The following RBFOX1 variants were observed in gnomAD, a reference collection of about 807,000 sequenced individuals.
RBFOX1 encodes the protein RNA binding protein fox-1 homolog 1.
A neutral mutation model predicts 57.7 loss-of-function variants in RBFOX1; 8 were observed. That is an observed-to-expected ratio of 0.14 (90% CI 0.08 to 0.25). RBFOX1 has a LOEUF of 0.25. Ranked by LOEUF, RBFOX1 falls within the 10% of genes least tolerant of loss-of-function variation. RBFOX1 has a pLI of 1.00. For missense variants in RBFOX1, 611 were observed against 548.5 expected (o/e 1.11, Z -1.14); for synonymous variants, 326 against 222.4 (o/e 1.47, Z -4.15).
At chr16:5,679,099 T>C (rs1365763469) in intron 3 of RBFOX1, among the ~76,000 whole-genome samples, 3 of 152,196 alleles carry the variant, frequency 2.0e-5, no homozygotes, top group Admixed American at 6.5e-5. Context: ...TTATGCCTTG[T>C]TGCAATACAT....
At chr16:5,341,651 C>G (rs1486224050) in intron 1 of RBFOX1, among the ~76,000 whole-genome samples, 4 of 152,114 alleles carry the variant, frequency 2.6e-5, no homozygotes, top group African/African-American at 9.7e-5. Flanking sequence ...TCTGCTTTTG[C>G]CATCTTGAAA....
At chr16:6,028,336 G>A (rs930841271) in intron 1 of RBFOX1, among the ~76,000 whole-genome samples, 1 of 152,014 alleles carries the variant, frequency 6.6e-6, no homozygotes, top group Non-Finnish European at 1.5e-5. Flanking sequence ...AAGTGCAGTA[G>A]TTTCCTTGAG....
intron 2 of RBFOX1, among the ~76,000 whole-genome samples, chr16:6,518,565 C>T (rs1356648106): frequency 1.3e-5 from 2 of 152,166 alleles, no homozygotes; most frequent in Non-Finnish European, 2.9e-5. Flanking sequence ...ACCTCCTGTG[C>T]TGGGAAAACA....
At chr16:5,500,286 A>C (rs1597316862) in intron 2 of RBFOX1, among the ~76,000 whole-genome samples, 1 of 150,174 alleles carries the variant, frequency 6.7e-6, no homozygotes, top group South Asian at 2.1e-4. Flanking sequence ...GCAGTGGCAC[A>C]ATAATGGCTC....
chr16:5,568,148 A>C (rs1002341540), intron 2 of RBFOX1, among the ~76,000 whole-genome samples: 1 of 152,206 alleles, frequency 6.6e-6, no homozygotes. Flanking sequence ...TCAGCATTGC[A>C]TTCAAATGTC....
chr16:5,743,950 T>G (rs1013221868), intron 3 of RBFOX1, among the ~76,000 whole-genome samples: 3 of 152,234 alleles, frequency 2.0e-5, no homozygotes, highest in African/African-American at 2.4e-5. Context: ...CTTTCTATGC[T>G]GACAGCATCT....
chr16:5,636,873 C>A (rs2048700247), intron 3 of RBFOX1, among the ~76,000 whole-genome samples: 1 of 152,176 alleles, frequency 6.6e-6, no homozygotes, highest in South Asian at 2.1e-4. Context: ...ACAAATTAAT[C>A]ATTTTTGCAA....
intron 4 of RBFOX1, among the ~76,000 whole-genome samples, chr16:7,084,888 A>C (rs560038096): frequency 6.6e-6 from 1 of 151,868 alleles, no homozygotes; most frequent in East Asian, 1.9e-4. Context: ...TCTATCTTCT[A>C]TCCGTTTGTC....
chr16:6,900,719 T>A (rs541491316), intron 3 of RBFOX1, among the ~76,000 whole-genome samples: 2 of 152,328 alleles, frequency 1.3e-5, no homozygotes, highest in Admixed American at 1.3e-4. Context: ...TTCTCCATGA[T>A]GCCGTTCCTA....
intron 2 of RBFOX1, among the ~76,000 whole-genome samples, chr16:6,328,753 G>T (rs948778149): frequency 6.6e-6 from 1 of 152,126 alleles, no homozygotes; most frequent in African/African-American, 2.4e-5. Context: ...TTGGGAGGAG[G>T]GGATGCCTGT....
chr16:7,122,584 G>T (rs1199709772), intron 4 of RBFOX1, among the ~76,000 whole-genome samples: 1 of 152,154 alleles, frequency 6.6e-6, no homozygotes, highest in Non-Finnish European at 1.5e-5. Flanking sequence ...TGCTGTGGAG[G>T]ATTCAGAGAA....
At chr16:5,896,413 C>T (rs2058164524) in intron 4 of RBFOX1, among the ~76,000 whole-genome samples, 1 of 151,974 alleles carries the variant, frequency 6.6e-6, no homozygotes, top group Admixed American at 6.6e-5. Flanking sequence ...GAACTGATTG[C>T]TAAAAAAACC....
intron 3 of RBFOX1, chr16:6,873,762 T>A (rs12149374): frequency 1.3e-5 from 2 of 152,016 alleles, no homozygotes; most frequent in Non-Finnish European, 2.9e-5. Context: ...ACAAGTGTTA[T>A]CTTGCTTAAT....
At chr16:5,513,115 A>G (rs1486789692) in intron 2 of RBFOX1, among the ~76,000 whole-genome samples, 2 of 152,130 alleles carry the variant, frequency 1.3e-5, no homozygotes, top group African/African-American at 2.4e-5. Flanking sequence ...GGATGTTACT[A>G]TGCTGTCCAG....
At chr16:7,607,497 C>G (rs929414481) in intron 10 of RBFOX1, among the ~76,000 whole-genome samples, 159 bp downstream of exon 10, 1 of 152,122 alleles carries the variant, frequency 6.6e-6, no homozygotes, top group African/African-American at 2.4e-5. Context: ...GTGCTTAAAA[C>G]AGTTTAAAAA....
At chr16:7,658,984 C>G (rs1454552418) in intron 12 of RBFOX1, among the ~76,000 whole-genome samples, 1 of 152,216 alleles carries the variant, frequency 6.6e-6, no homozygotes, top group African/African-American at 2.4e-5. Flanking sequence ...CTCAGCCTCC[C>G]AAAGTGCTGG....
At chr16:7,195,486 A>G (rs2086472891) in intron 4 of RBFOX1, among the ~76,000 whole-genome samples, 1 of 152,210 alleles carries the variant, frequency 6.6e-6, no homozygotes, top group South Asian at 2.1e-4. Context: ...CTGACCCAAC[A>G]GCACAGATTT....
rs192620318 is a variant in RBFOX1 at position 5,992,956 on chromosome 16, T to C, written c.351+125621T>C. Among the ~76,000 whole-genome samples the C allele has an allele frequency of 1.0e-3, 152 of 152,060 alleles. 2 individuals are homozygous for C. The highest frequency in any genetic ancestry group is 6.8e-3 in the Middle Eastern group (2 of 292). Reference sequence around the variant, plus strand: ...TGTCTCAAAAGAAAGAAAAAAAAGATTTGCATGACAGTGGCAGACATCTGC... The same window carrying C: ...TGTCTCAAAAGAAAGAAAAAAAAGACTTGCATGACAGTGGCAGACATCTGC... On this transcript the variant is annotated intron_variant, in intron 4 of 19. Transcript: ENST00000641259.
chr16:6,433,853 T>C (rs1202609136), intron 2 of RBFOX1, among the ~76,000 whole-genome samples: 19 of 148,892 alleles, frequency 1.3e-4, no homozygotes, highest in Admixed American at 4.0e-4. Context: ...TTTCTTTTTT[T>C]TTTTTTTTTT....
Sources: allele counts gnomAD v4.1 joint callset (sites outside exome capture counted in the v4.1 genomes callset), GRCh38; gene constraint gnomAD v4.1.1; transcripts MANE v1.5; gene names NCBI Gene and HGNC (gene_info 2026-07-23, HGNC 2026-07-21).